Variants in CEP57L1 observed in about 807,000 individuals in gnomAD.
CEP57L1 encodes the protein centrosomal protein CEP57L1.
A neutral mutation model predicts 61.0 loss-of-function variants in CEP57L1; 37 were observed. The ratio of observed to expected loss-of-function variants is 0.61; its 90% confidence interval spans 0.47 to 0.80. The LOEUF (loss-of-function observed/expected upper bound fraction) is 0.80, where lower values mean the gene tolerates loss of function less well. Ranked by LOEUF, CEP57L1 falls within the 30% of genes least tolerant of loss-of-function variation. CEP57L1 has a pLI of 0.00. For synonymous variants in CEP57L1, 137 were observed against 162.3 expected (o/e 0.84, Z 1.19); for missense variants, 422 against 524.7 (o/e 0.80, Z 1.91).
Position 109,173,608 on chromosome 6 carries a change from A to T in CEP57L1, c.*10638A>T, listed in dbSNP as rs866690553. 2.6e-3 allele frequency among the ~76,000 whole-genome samples: 339 copies of T among 128,752 alleles called. No homozygotes were observed. The highest frequency in any genetic ancestry group is 3.6e-3 in the Non-Finnish European group (216 of 59,666). The allele number at this position is 128,752 out of a possible 152,430, so 84.5% of individuals were successfully genotyped here. ...CCTGGCTAATTAAAAAAAAAAAAAA[A>T]TTTTTTTTTTTGAGGAGACGCGGTC... On this transcript the variant is annotated 3_prime_UTR_variant, in exon 11 of 11. Transcript: ENST00000517392.
chr6:109,136,619 G>A (rs1282593001), intron 1 of CEP57L1, among the ~76,000 whole-genome samples: 1 of 151,222 alleles, frequency 6.6e-6, no homozygotes, highest in Non-Finnish European at 1.5e-5. Flanking sequence ...GGAATTTGAG[G>A]CACAGAGAAG....
intron 1 of CEP57L1, among the ~76,000 whole-genome samples, chr6:109,110,169 G>A (rs140474119): frequency 1.3e-3 from 201 of 152,214 alleles, no homozygotes; most frequent in Admixed American, 4.5e-3. Flanking sequence ...GAGTAGAAGC[G>A]TTTTTATTTC....
chr6:109,101,855 G>A (rs1278930126), intron 1 of CEP57L1, among the ~76,000 whole-genome samples: 3 of 152,122 alleles, frequency 2.0e-5, no homozygotes, highest in Admixed American at 6.5e-5. Flanking sequence ...TCCTGATCTC[G>A]TGATCCGCCC....
At position 109,108,381 on chromosome 6, in the gene CEP57L1, T is replaced by G. The variant is rs1297856505; in HGVS notation, c.-4+12806T>G. ...TCACCTGCCACCACGCCCTGCTAAT[T>G]TTGTATTTTTAGCAGAGACAGGGTT... On this transcript the variant is annotated intron_variant, in intron 1 of 10. Transcript: ENST00000517392. Among the ~76,000 whole-genome samples the G allele has an allele frequency of 2.6e-5, 4 of 151,998 alleles. No individual in the cohort carries two copies. In the East Asian group the frequency reaches 7.7e-4, roughly 29 times the overall value.
rs1329846313 is a variant in CEP57L1 at position 109,167,484 on chromosome 6, C to T, written c.*4514C>T. ...GATCACCTAAGTCAGGAGTTCAACA[C>T]CAGCCTGGCCAATGTAGTGAAACCC... is the stretch of plus-strand genomic sequence containing the variant. On this transcript the variant is annotated 3_prime_UTR_variant, in exon 11 of 11. Coordinates refer to ENST00000517392, the MANE Select transcript of CEP57L1 (RefSeq NM_001271852.3). Among the ~76,000 whole-genome samples the T allele has an allele frequency of 6.6e-6, 1 of 152,006 alleles. No individual in the cohort carries two copies. The highest frequency in any genetic ancestry group is 1.5e-5 in the Non-Finnish European group (1 of 68,014).
chr6:109,098,835 A>G (rs1387079449), intron 1 of CEP57L1, among the ~76,000 whole-genome samples: 1 of 152,152 alleles, frequency 6.6e-6, no homozygotes, highest in Non-Finnish European at 1.5e-5. Flanking sequence ...CATAGACCAT[A>G]GGGAAGCAAG....
rs768211323 is a variant in CEP57L1, at chr6:109,150,121, T to C, written c.344T>C (p.Ile115Thr). The change falls in exon 4 of 11, where the codon ATA (isoleucine) becomes ACA (threonine). Residue 115 changes from isoleucine (I) to threonine (T), a missense_variant. By Grantham distance (89) the Ile-to-Thr change is moderately conservative. Coordinates refer to ENST00000517392, the MANE Select transcript of CEP57L1 (RefSeq NM_001271852.3). ...TTGAATACCCTTTATTTCATAGATA[T>C]AAGTATACAGTTAAGCTCAGCCCAG... is the stretch of plus-strand genomic sequence containing the variant. ...HQELIKQKKDISIQLSSAQSR... is the reference protein window; with the variant it reads ...HQELIKQKKDTSIQLSSAQSR... 28 of 1,583,666 alleles carry C rather than the reference T, an allele frequency of 1.8e-5. No individual in the cohort carries two copies. The East Asian group carries it at 3.6e-4, about 20-fold the overall frequency.
Position 109,172,885 on chromosome 6 carries a change from G to C in CEP57L1, c.*9915G>C, listed in dbSNP as rs1225416520. ...CTGGAGGCTTTTTCAAGCCCAAGAGGTTGTCATTTCTTTATGTGTAAGATA... is the reference window on the plus strand; with the variant it reads ...CTGGAGGCTTTTTCAAGCCCAAGAGCTTGTCATTTCTTTATGTGTAAGATA... On this transcript the variant is annotated 3_prime_UTR_variant, in exon 11 of 11. Transcript: ENST00000517392. Among the ~76,000 whole-genome samples the C allele has an allele frequency of 6.6e-6, 1 of 152,174 alleles. No homozygotes were observed. The highest frequency in any genetic ancestry group is 1.5e-5 in the Non-Finnish European group (1 of 68,030).
intron 1 of CEP57L1, among the ~76,000 whole-genome samples, chr6:109,134,037 A>G (rs1404563145): frequency 6.6e-6 from 1 of 152,234 alleles, no homozygotes; most frequent in East Asian, 1.9e-4. Flanking sequence ...ATAGAAAAAC[A>G]GGGAATCCTC....
At position 109,146,817 on chromosome 6, in the gene CEP57L1, A is replaced by G. The variant is rs758604507; in HGVS notation, c.220A>G (p.Thr74Ala). 22 of 1,610,098 alleles carry G rather than the reference A, an allele frequency of 1.4e-5. No individual in the cohort carries two copies. Among genetic ancestry groups the G allele is most frequent in the Non-Finnish European group, 1.7e-5 (20 of 1,178,128 alleles). ...EKIHRLELER[T>A]QAEDNLNILS... ...AATTCATCGTTTAGAGCTGGAGAGAACACAAGCTGAAGATAACCTGAACAT... is the reference window on the plus strand; with the variant it reads ...AATTCATCGTTTAGAGCTGGAGAGAGCACAAGCTGAAGATAACCTGAACAT... Residue 74 changes from threonine to alanine, a missense_variant, in exon 3 of 11, where the codon ACA becomes GCA. By Grantham distance (58) the Thr-to-Ala change is moderately conservative. Transcript: ENST00000517392.
chr6:109,170,697 G>C lies in CEP57L1; in HGVS notation c.*7727G>C, dbSNP rs1051750146. On this transcript the variant is annotated 3_prime_UTR_variant, in exon 11 of 11. Transcript: ENST00000517392. ...TTAAAAAGCTCTCGAGAAGTCTGTGGAACATTTATGGTTTTATAACTTACA... is the reference window on the plus strand; with the variant it reads ...TTAAAAAGCTCTCGAGAAGTCTGTGCAACATTTATGGTTTTATAACTTACA... Among the ~76,000 whole-genome samples the C allele has an allele frequency of 6.6e-6, 1 of 152,100 alleles. No homozygotes were observed. Among genetic ancestry groups the C allele is most frequent in the Non-Finnish European group, 1.5e-5 (1 of 68,002 alleles).
intron 1 of CEP57L1, among the ~76,000 whole-genome samples, chr6:109,141,498 A>G (rs186450167): frequency 5.6e-4 from 86 of 152,218 alleles, no homozygotes; most frequent in Non-Finnish European, 9.9e-4. Flanking sequence ...TTTTTCTAAC[A>G]TCATTTATTG....
At chr6:109,110,157 CAG>C (rs1007152382) in intron 1 of CEP57L1, among the ~76,000 whole-genome samples, 1 of 152,202 alleles carries the variant, frequency 6.6e-6, no homozygotes, top group African/African-American at 2.4e-5. Flanking sequence ...CTCCCACCAA[CAG>C]AGTAGAAGCG....
chr6:109,132,284 A>G (rs781420957), intron 1 of CEP57L1, among the ~76,000 whole-genome samples: 2 of 152,188 alleles, frequency 1.3e-5, no homozygotes, highest in Non-Finnish European at 2.9e-5. Flanking sequence ...AGAACTCTAA[A>G]TGTATGAATA....
intron 6 of CEP57L1, 94 bp downstream of exon 6, chr6:109,155,401 A>G: frequency 1.5e-6 from 1 of 655,160 alleles, no homozygotes; most frequent in East Asian, 3.3e-5. Flanking sequence ...CTAGATTCTA[A>G]TTTCTGCTTC....
chr6:109,105,709 T>C (rs1051805187), intron 1 of CEP57L1, among the ~76,000 whole-genome samples: 2 of 152,166 alleles, frequency 1.3e-5, no homozygotes, highest in African/African-American at 4.8e-5. Context: ...ACATGTATGT[T>C]TTGAAATTAC....
At chr6:109,100,316 AAC>A (rs1208015981) in intron 1 of CEP57L1, 1 of 152,226 alleles carries the variant, frequency 6.6e-6, no homozygotes, top group Non-Finnish European at 1.5e-5. Context: ...CATTTACAAA[AAC>A]ACAAAGTAAT....
At position 109,156,006 on chromosome 6, in the gene CEP57L1, G is replaced by T. The variant is rs191967920; in HGVS notation, c.744+129G>T. On this transcript the variant is annotated intron_variant, in intron 7 of 10. Coordinates refer to ENST00000517392, the MANE Select transcript of CEP57L1 (RefSeq NM_001271852.3). ...TAAAATAAAAGACATGCAATAATGC[G>T]TGTCAAGTAATGGATGATGGTTTGG... The T allele has an allele frequency of 2.0e-5, 10 of 504,494 alleles. No homozygotes were observed. The East Asian group carries it at 3.6e-4, about 18-fold the overall frequency. 31.3% of individuals were successfully genotyped at this position (504,494 alleles called of 1,614,324 possible). A position where few individuals can be genotyped will look rare whatever the true frequency, so the allele number is the denominator to read the frequency against.
intron 1 of CEP57L1, among the ~76,000 whole-genome samples, chr6:109,125,767 A>C (rs953909144): frequency 1.3e-5 from 2 of 151,694 alleles, no homozygotes; most frequent in African/African-American, 4.8e-5. Context: ...AAGTTCAACA[A>C]AAATAAGGAT....
Sources: allele counts gnomAD v4.1 joint callset (sites outside exome capture counted in the v4.1 genomes callset), GRCh38; gene constraint gnomAD v4.1.1; transcripts MANE v1.5; gene names NCBI Gene and HGNC (gene_info 2026-07-23, HGNC 2026-07-21).